Variants in CHFR observed in about 807,000 individuals in gnomAD.
CHFR encodes the protein checkpoint with forkhead and ring finger domains, also known as E3 ubiquitin-protein ligase CHFR.
CHFR carries 57 observed loss-of-function variants against 87.6 expected under a neutral mutation model. The observed-to-expected ratio is 0.65, with a 90% confidence interval of 0.53 to 0.81. CHFR has a LOEUF of 0.81. Among genes scored for constraint, CHFR ranks in the 30% least tolerant of loss-of-function variants. The pLI, the probability that CHFR is intolerant of heterozygous loss-of-function variation, is 0.00. For missense variants in CHFR, 797 were observed against 865.8 expected (o/e 0.92, Z 1.00); for synonymous variants, 381 against 359.2 (o/e 1.06, Z -0.69).
chr12:132,844,528 C>A (rs1367483441), intron 15 of CHFR, among the ~76,000 whole-genome samples: 3 of 148,896 alleles, frequency 2.0e-5, no homozygotes, highest in Non-Finnish European at 4.5e-5. Context: ...TCGTGATCCA[C>A]CCGCCTCGGC....
At chr12:132,885,494 CTATGG>C (rs1951868863) in intron 2 of CHFR, among the ~76,000 whole-genome samples, 1 of 151,936 alleles carries the variant, frequency 6.6e-6, no homozygotes, top group Non-Finnish European at 1.5e-5. Flanking sequence ...TAGTATTTTG[CTATGG>C]TAGTATGAAC....
chr12:132,859,373 CAG>C, intron 7 of CHFR, 146 bp from the exon 8 acceptor site: 3 of 808,146 alleles, frequency 3.7e-6, no homozygotes, highest in African/African-American at 1.8e-5. Flanking sequence ...TTTTTCGAGA[CAG>C]AGTCTCGCTC....
chr12:132,877,618 G>A lies in CHFR; in HGVS notation c.170C>T (p.Ser57Phe), dbSNP rs1325393287. ...CACTACAATTCTACAGTGATCTCCA[G>A]AGACCAGTTTATTGCTGGGGAAGGA... ...DLSFPSNKLV[S>F]GDHCRIVVDE... Residue 57 changes from serine to phenylalanine, a missense_variant, in exon 3 of 18, where the codon TCT (serine) becomes TTT (phenylalanine). Coordinates refer to ENST00000450056, the MANE Select transcript of CHFR (RefSeq NM_001161346.2). 1 of 1,613,762 alleles carries A rather than the reference G, an allele frequency of 6.2e-7. No homozygotes were observed. Among genetic ancestry groups the A allele is most frequent in the Admixed American group, 1.7e-5 (1 of 59,950 alleles).
intron 6 of CHFR, chr12:132,862,303 G>A: frequency 3.9e-6 from 1 of 253,582 alleles, no homozygotes. Context: ...ATAAAAAATA[G>A]AGGTCTGAGG....
chr12:132,856,412 G>A (rs1030551803), intron 10 of CHFR, 56 bp downstream of exon 10: 28 of 1,589,578 alleles, frequency 1.8e-5, no homozygotes, highest in Non-Finnish European at 2.1e-5. Flanking sequence ...TCTCGGTCAC[G>A]GTTGTGATGC....
chr12:132,853,490 T>G lies in CHFR; in HGVS notation c.1313A>C (p.Glu438Ala), dbSNP rs1167629443. 4 of 1,534,802 alleles carry G rather than the reference T, an allele frequency of 2.6e-6. No individual in the cohort carries two copies. The highest frequency in any genetic ancestry group is 3.5e-6 in the Non-Finnish European group (4 of 1,147,322). Residue 438 changes from glutamate (E) to alanine (A), a missense_variant, in exon 11 of 18, where the codon GAG becomes GCG. Physicochemically the swap from Glu to Ala is moderately radical, Grantham distance 107 (BLOSUM62 -1). Around this residue, in one of 2 missense-constraint regions of CHFR, gnomAD observed 597 missense variants for 601.2 expected, o/e 0.99. Coordinates refer to ENST00000450056, the MANE Select transcript of CHFR (RefSeq NM_001161346.2). ...CCCCAGGGCCTGTGGGGCTCCTGGC[T>G]CGCCCTCGGGTGCTGGGCAGTGGGG... is the stretch of plus-strand genomic sequence containing the variant. ...QPPHCPAPEG[E>A]PGAPQALGDA...
At chr12:132,853,641 G>A (rs937875968) in intron 10 of CHFR, 68 bp from the exon 11 acceptor site, 46 of 1,455,710 alleles carry the variant, frequency 3.2e-5, no homozygotes, top group Middle Eastern at 1.9e-4. Flanking sequence ...GGTGCAACGC[G>A]GGTCCGCAGC....
At position 132,853,435 on chromosome 12, in the gene CHFR, C is replaced by T. The variant is rs536396076; in HGVS notation, c.1368G>A (p.Thr456=). Residue 456 remains threonine, a synonymous_variant, in exon 11 of 18, where the codon ACG becomes ACA. Coordinates refer to ENST00000450056, the MANE Select transcript of CHFR (RefSeq NM_001161346.2). ...GDAPSTSVSL[T]TAVQDYVCPL... ...CCTGAGGGCGGCGCGGCTCACCTGTCGTCAGGCTGACGGACGTGGAGGGTG... is the reference window on the plus strand; with the variant it reads ...CCTGAGGGCGGCGCGGCTCACCTGTTGTCAGGCTGACGGACGTGGAGGGTG... 2.5e-4 allele frequency: 374 copies of T among 1,523,146 alleles called. 3 individuals are homozygous for T. In the South Asian group the frequency reaches 4.4e-3, roughly 18 times the overall value. The allele number at this position is 1,523,146 out of a possible 1,614,324, so 94.4% of individuals were successfully genotyped here.
At position 132,853,639 on chromosome 12, in the gene CHFR, G is replaced by T. The variant is rs927350519; in HGVS notation, c.1230-66C>A. 10 of 1,463,736 alleles carry T rather than the reference G, an allele frequency of 6.8e-6. No homozygotes were observed. In the African/African-American group the frequency reaches 1.3e-4, roughly 19 times the overall value. The allele number at this position is 1,463,736 out of a possible 1,614,324, so 90.7% of individuals were successfully genotyped here. ...GCCTCTCAGGTAGGGCCGGTGCAAC[G>T]CGGGTCCGCAGCCATCACAGCTCAG... On this transcript the variant is annotated intron_variant, in intron 10 of 17. Transcript: ENST00000450056.
In CHFR at chr12:132,862,348, T is replaced by C. The variant is rs1344471837; in HGVS notation, c.584-714A>G. 4.9e-6 allele frequency: 2 copies of C among 410,844 alleles called. No individual in the cohort carries two copies. Among genetic ancestry groups the C allele is most frequent in the Admixed American group, 5.7e-5 (2 of 35,126 alleles). 25.4% of individuals were successfully genotyped at this position (410,844 alleles called of 1,614,324 possible). On this transcript the variant is annotated intron_variant, in intron 6 of 17. Transcript: ENST00000450056. ...GGGCTCACACCTGTAATCACAATAC[T>C]TTGGGAGGCCAAGGTGGGAGGATCA... is the stretch of plus-strand genomic sequence containing the variant.
intron 2 of CHFR, among the ~76,000 whole-genome samples, chr12:132,880,882 G>A (rs528485306): frequency 6.6e-6 from 1 of 152,054 alleles, no homozygotes; most frequent in Non-Finnish European, 1.5e-5. Flanking sequence ...GGAGAATGGT[G>A]GGAACCCAGG....
chr12:132,851,475 C>T (rs1047050811), intron 12 of CHFR, 143 bp downstream of exon 12: 27 of 935,784 alleles, frequency 2.9e-5, no homozygotes, highest in African/African-American at 1.8e-4. Flanking sequence ...AATATGGTGA[C>T]GTGGGGAAAA....
At chr12:132,849,078 C>A in intron 12 of CHFR, 1 of 211,728 alleles carries the variant, frequency 4.7e-6, no homozygotes, top group Non-Finnish European at 9.5e-6. Flanking sequence ...TCCTGAGTAG[C>A]TAGGACTACA....
At chr12:132,855,189 C>G (rs184702348) in intron 10 of CHFR, 2 of 147,278 alleles carry the variant, frequency 1.4e-5, no homozygotes, top group African/African-American at 5.0e-5. Context: ...TTGCAGTGGG[C>G]GAAGGTCATG....
Position 132,838,418 on chromosome 12 carries a change from GT to G in CHFR, c.*3135del, listed in dbSNP as rs1321216147. On this transcript the variant is annotated 3_prime_UTR_variant, in exon 18 of 18. Coordinates refer to ENST00000450056, the MANE Select transcript of CHFR (RefSeq NM_001161346.2). ...AGAGAGGCCTCACTGGGGTGGACGGGTTCACCTAGAACCTGAGGCCCCCTTC... is the reference window on the plus strand; with the variant it reads ...AGAGAGGCCTCACTGGGGTGGACGGGTCACCTAGAACCTGAGGCCCCCTTC... 1 of 152,348 alleles carries G rather than the reference GT, an allele frequency of 6.6e-6. No individual in the cohort carries two copies. Among genetic ancestry groups the G allele is most frequent in the Non-Finnish European group, 1.5e-5 (1 of 68,124 alleles). 9.4% of individuals were successfully genotyped at this position (152,348 alleles called of 1,614,324 possible). A position where few individuals can be genotyped will look rare whatever the true frequency, so the allele number is the denominator to read the frequency against.
intron 2 of CHFR, among the ~76,000 whole-genome samples, chr12:132,878,581 A>C (rs1367845550): frequency 6.6e-6 from 1 of 151,798 alleles, no homozygotes; most frequent in Non-Finnish European, 1.5e-5. Flanking sequence ...CCGGTGGCTC[A>C]CACCGAGGCG....
At chr12:132,865,827 T>C (rs1413611632) in intron 6 of CHFR, 1 of 151,568 alleles carries the variant, frequency 6.6e-6, no homozygotes, top group Non-Finnish European at 1.5e-5. Flanking sequence ...ACCCGGCTAA[T>C]TTTTGTATTT....
chr12:132,881,026 G>T (rs1951756069), intron 2 of CHFR, among the ~76,000 whole-genome samples: 1 of 151,816 alleles, frequency 6.6e-6, no homozygotes. Flanking sequence ...CATCACTTTG[G>T]GTGGCCAAGG....
Position 132,841,322 on chromosome 12 carries a change from C to G in CHFR, c.*232G>C, listed in dbSNP as rs3741490. On this transcript the variant is annotated 3_prime_UTR_variant, in exon 18 of 18. Transcript: ENST00000450056. ...TTCGTCTCTGCTGCTGATGCCACCA[C>G]GAGCCCTGCCCAGCGCTCACCAGGA... 1 of 478,722 alleles carries G rather than the reference C, an allele frequency of 2.1e-6. No individual in the cohort carries two copies. The highest frequency in any genetic ancestry group is 2.0e-5 in the African/African-American group (1 of 50,450). The allele number at this position is 478,722 out of a possible 1,614,324, so 29.7% of individuals were successfully genotyped here. A position where few individuals can be genotyped will look rare whatever the true frequency, so the allele number is the denominator to read the frequency against.
Sources: allele counts gnomAD v4.1 joint callset (sites outside exome capture counted in the v4.1 genomes callset), GRCh38; gene constraint gnomAD v4.1.1; regional missense constraint gnomAD v4.1.1; transcripts MANE v1.5; gene names NCBI Gene and HGNC (gene_info 2026-07-23, HGNC 2026-07-21).